Variants in ABCE1 observed in about 807,000 individuals in gnomAD.
ABCE1 encodes ATP-binding cassette sub-family E member 1.
Under a neutral mutation model 83.4 loss-of-function variants are expected in ABCE1, and 22 were observed. The ratio of observed to expected loss-of-function variants is 0.26; its 90% CI spans 0.19 to 0.38. ABCE1 has a LOEUF of 0.38. Ranked by LOEUF, ABCE1 falls within the 10% of genes least tolerant of loss-of-function variation. The probability of loss-of-function intolerance (pLI) is 1.00; values close to 1 mark genes in which losing one functional copy is unlikely to be tolerated. For synonymous variants in ABCE1, 204 were observed against 233.7 expected, an observed-to-expected ratio of 0.87 and a Z score of 1.16; for missense variants, 330 against 721.9, an observed-to-expected ratio of 0.46 and a Z score of 6.22.
At chr4:145,112,410 C>G (rs905890314) in intron 9 of ABCE1, 82 bp downstream of exon 9, 26 of 922,342 alleles carry the variant, frequency 2.8e-5, no homozygotes, top group Non-Finnish European at 4.1e-5. Context: ...CTGGGACTGT[C>G]AATGTGATGT....
chr4:145,127,577 G>A lies in ABCE1; in HGVS notation c.*4G>A, dbSNP rs1215350191. 39 of 1,555,700 alleles carry A rather than the reference G, an allele frequency of 2.5e-5. No homozygotes were observed. The highest frequency in any genetic ancestry group is 3.2e-5 in the Non-Finnish European group (37 of 1,160,150). ...CTACTTTTTCTTGGATGATTAGACTGACTCTGAGAATATTGATAAGCCATT... is the reference window on the plus strand; with the variant it reads ...CTACTTTTTCTTGGATGATTAGACTAACTCTGAGAATATTGATAAGCCATT... On this transcript the variant is annotated 3_prime_UTR_variant, in exon 18 of 18. Coordinates refer to ENST00000296577, the MANE Select transcript of ABCE1 (RefSeq NM_002940.3).
At position 145,119,855 on chromosome 4, in the gene ABCE1, T is replaced by C. The variant is rs563202418; in HGVS notation, c.923-77T>C. 5.9e-6 allele frequency: 6 copies of C among 1,012,006 alleles called. No individual in the cohort carries two copies. In the African/African-American group the frequency reaches 6.5e-5, roughly 11 times the overall value. 62.7% of individuals were successfully genotyped at this position (1,012,006 alleles called of 1,614,324 possible). A position where few individuals can be genotyped will look rare whatever the true frequency, so the allele number is the denominator to read the frequency against. Reference sequence around the variant, plus strand: ...ATCCACAGAAATTTAAAGTATATAGTCTATAGATTGCTCCCAAGAGAGCTT... The same window carrying C: ...ATCCACAGAAATTTAAAGTATATAGCCTATAGATTGCTCCCAAGAGAGCTT... On this transcript the variant is annotated intron_variant, in intron 10 of 17. Coordinates refer to ENST00000296577, the MANE Select transcript of ABCE1 (RefSeq NM_002940.3).
In ABCE1 at chr4:145,111,069, G is replaced by A. The variant is rs762403249; in HGVS notation, c.710+5G>A. 1 of 1,600,916 alleles carries A rather than the reference G, an allele frequency of 6.2e-7. No homozygotes were observed. Among genetic ancestry groups the A allele is most frequent in the Admixed American group, 1.7e-5 (1 of 58,370 alleles). On this transcript the variant is annotated splice_donor_5th_base_variant and intron_variant, in intron 8 of 17. Coordinates refer to ENST00000296577, the MANE Select transcript of ABCE1 (RefSeq NM_002940.3). ...TTGCATACAGAAAGCTGATATGTAG[G>A]TTACTTTACAATTTTTGTTTATCTT...
chr4:145,121,293 G>A (rs10519725), intron 12 of ABCE1, 40 bp from the exon 13 acceptor site: 1 of 1,611,698 alleles, frequency 6.2e-7, no homozygotes, highest in African/African-American at 1.3e-5. Flanking sequence ...TTAAAGATCT[G>A]GGCAGTTTTT....
At chr4:145,118,575 A>C (rs1048229446) in intron 10 of ABCE1, among the ~76,000 whole-genome samples, 3 of 151,750 alleles carry the variant, frequency 2.0e-5, no homozygotes, top group African/African-American at 7.2e-5. Flanking sequence ...ACCTTACTCT[A>C]TACCATATGG....
chr4:145,112,028 T>G (rs572203859), intron 8 of ABCE1, among the ~76,000 whole-genome samples: 1 of 152,198 alleles, frequency 6.6e-6, no homozygotes, highest in African/African-American at 2.4e-5. Flanking sequence ...CCAGACCTGG[T>G]GTGTAATCTT....
intron 5 of ABCE1, 108 bp downstream of exon 5, chr4:145,109,357 G>T: frequency 1.7e-6 from 1 of 591,446 alleles, no homozygotes; most frequent in South Asian, 3.1e-5. Context: ...AATTATTTAT[G>T]GAATTAATGC....
intron 1 of ABCE1, among the ~76,000 whole-genome samples, chr4:145,103,913 CA>C (rs916286860): frequency 6.6e-6 from 1 of 151,944 alleles, no homozygotes; most frequent in Non-Finnish European, 1.5e-5. Context: ...AGGCGCACAC[CA>C]CCACATGTCT....
In ABCE1 at chr4:145,121,247, T is replaced by C. The variant is rs748158075; in HGVS notation, c.1204+14T>C. 1.9e-6 allele frequency: 3 copies of C among 1,613,662 alleles called. No homozygotes were observed. The highest frequency in any genetic ancestry group is 2.2e-5 in the East Asian group (1 of 44,804). ...CTGATGAAGGAGGTACATTTGTAAC[T>C]GTTGAGTCTTTTTACTCTGTTTTAC... On this transcript the variant is annotated intron_variant, in intron 12 of 17. Coordinates refer to ENST00000296577, the MANE Select transcript of ABCE1 (RefSeq NM_002940.3).
intron 13 of ABCE1, 136 bp downstream of exon 13, chr4:145,121,527 TAA>T (rs1749744073): frequency 6.1e-6 from 4 of 656,134 alleles, no homozygotes; most frequent in Non-Finnish European, 1.0e-5. Context: ...ACAAATGTAT[TAA>T]GAGTCCAATC....
At chr4:145,113,275 G>A (rs1385346040) in intron 9 of ABCE1, among the ~76,000 whole-genome samples, 7 of 152,146 alleles carry the variant, frequency 4.6e-5, no homozygotes, top group Non-Finnish European at 2.9e-5. Context: ...ATCATTGCAC[G>A]GAAATGTCAA....
chr4:145,123,156 T>G (rs1405196651), intron 14 of ABCE1, 25 bp downstream of exon 14: 1 of 1,580,026 alleles, frequency 6.3e-7, no homozygotes, highest in East Asian at 2.2e-5. Context: ...TTTTTTTTAT[T>G]TTTTTATTAT....
chr4:145,105,742 T>C, intron 3 of ABCE1, 52 bp downstream of exon 3: 1 of 1,311,342 alleles, frequency 7.6e-7, no homozygotes, highest in South Asian at 1.3e-5. Flanking sequence ...AACTGAAATC[T>C]GAAAATTCTG....
In ABCE1 at chr4:145,128,243, C is replaced by A. The variant is rs1445849568; in HGVS notation, c.*670C>A. 1 of 152,518 alleles carries A rather than the reference C, an allele frequency of 6.6e-6. No individual in the cohort carries two copies. Among genetic ancestry groups the A allele is most frequent in the East Asian group, 1.9e-4 (1 of 5,204 alleles). 9.4% of individuals were successfully genotyped at this position (152,518 alleles called of 1,614,324 possible). A position where few individuals can be genotyped will look rare whatever the true frequency, so the allele number is the denominator to read the frequency against. On this transcript the variant is annotated 3_prime_UTR_variant, in exon 18 of 18. Transcript: ENST00000296577. ...AAAAAACCCCTAACTTTACTCTGAA[C>A]TTTTTTTGTTTTTGCATTCCATGAG...
intron 10 of ABCE1, 79 bp from the exon 11 acceptor site, chr4:145,119,853 A>G: frequency 1.0e-6 from 1 of 965,932 alleles, no homozygotes; most frequent in Non-Finnish European, 1.6e-6. Context: ...TAAAGTATAT[A>G]GTCTATAGAT....
chr4:145,123,846 C>G, intron 16 of ABCE1: 1 of 272,650 alleles, frequency 3.7e-6, no homozygotes, highest in South Asian at 1.3e-4. Context: ...GCTGTGGGCC[C>G]CTCACCTTTT....
Position 145,123,328 on chromosome 4 carries a change from A to C in ABCE1, c.1488A>C (p.Gln496His). Residue 496 changes from glutamine (Q) to histidine (H), a missense_variant, in exon 15 of 18, where the codon CAA becomes CAC. Coordinates refer to ENST00000296577, the MANE Select transcript of ABCE1 (RefSeq NM_002940.3). ...DEPSAYLDSE[Q>H]RLMAARVVKR... ...CATCTGCATATTTGGATTCTGAGCAAAGACTGATGGCAGCTCGAGTTGTCA... is the reference window on the plus strand; with the variant it reads ...CATCTGCATATTTGGATTCTGAGCACAGACTGATGGCAGCTCGAGTTGTCA... 1 of 1,609,478 alleles carries C rather than the reference A, an allele frequency of 6.2e-7. No homozygotes were observed. Among genetic ancestry groups the C allele is most frequent in the Non-Finnish European group, 8.5e-7 (1 of 1,178,338 alleles).
intron 4 of ABCE1, among the ~76,000 whole-genome samples, chr4:145,108,536 A>G (rs1212426479): frequency 6.6e-6 from 1 of 152,186 alleles, no homozygotes; most frequent in African/African-American, 2.4e-5. Context: ...TTGAATTTGG[A>G]CATGTATTAT....
chr4:145,114,056 G>C (rs1241201452), intron 9 of ABCE1, among the ~76,000 whole-genome samples: 2 of 152,130 alleles, frequency 1.3e-5, no homozygotes, highest in Non-Finnish European at 2.9e-5. Context: ...AGGAGCACAA[G>C]TTCTACAGAT....
Sources: gnomAD v4.1 joint callset for allele counts (sites outside exome capture counted in the v4.1 genomes callset) on GRCh38, gnomAD v4.1.1 for gene constraint, MANE v1.5 for transcripts, NCBI Gene and HGNC (gene_info 2026-07-23, HGNC 2026-07-21) for gene names.